The following PHF14 variants were observed in gnomAD, a reference collection of about 807,000 sequenced individuals.
PHF14 encodes PHD finger protein 14.
Under a neutral mutation model 117.9 loss-of-function variants are expected in PHF14, and 55 were observed. That is an observed-to-expected ratio of 0.47 (90% confidence interval 0.38 to 0.58). The LOEUF is 0.58. Ranked by LOEUF, PHF14 falls within the 20% of genes least tolerant of loss-of-function variation. The pLI is 0.00. For synonymous variants in PHF14, 409 were observed against 368.6 expected (o/e 1.11, Z -1.26); for missense variants, 978 against 1,122.2 (o/e 0.87, Z 1.84).
Position 11,024,763 on chromosome 7 carries a change from C to T in PHF14, c.1317+1784C>T, listed in dbSNP as rs576718020. Among the ~76,000 whole-genome samples, 4 of 152,316 alleles carry T rather than the reference C, an allele frequency of 2.6e-5. No individual in the cohort carries two copies. The South Asian group carries it at 8.3e-4, about 32-fold the overall frequency. On this transcript the variant is annotated intron_variant, in intron 6 of 17. Coordinates refer to ENST00000634607, the MANE Select transcript of PHF14 (RefSeq NM_001007157.2). Reference sequence around the variant, plus strand: ...AAAAGATTACTGCTTATCGACAGTGCACCTGGTGGTCACCCAAGAGCTCTG... The same window carrying T: ...AAAAGATTACTGCTTATCGACAGTGTACCTGGTGGTCACCCAAGAGCTCTG...
At chr7:11,067,489 CA>C (rs1251763774) in intron 16 of PHF14, among the ~76,000 whole-genome samples, 1 of 152,128 alleles carries the variant, frequency 6.6e-6, no homozygotes, top group African/African-American at 2.4e-5. Context: ...AGCAGAAACT[CA>C]AACAGATAAT....
rs902332100 is a variant in PHF14, at chr7:11,130,359, G to GGA, written c.2772+18903_2772+18904dup. Reference sequence around the variant, plus strand: ...CATTCCAGGATTCAAGGAAATCCTTGGAGAGAGAGAGAACGTATATACAAT... The same window carrying GGA: ...CATTCCAGGATTCAAGGAAATCCTTGGAGAGAGAGAGAGAACGTATATACAAT... On this transcript the variant is annotated intron_variant, in intron 17 of 17. Coordinates refer to ENST00000634607, the MANE Select transcript of PHF14 (RefSeq NM_001007157.2). The surrounding 1 kb of genome is among the most constrained non-coding windows in gnomAD (Gnocchi z 4.2). Among the ~76,000 whole-genome samples, 1 of 152,028 alleles carries GGA rather than the reference G, an allele frequency of 6.6e-6. No individual in the cohort carries two copies. The highest frequency in any genetic ancestry group is 2.4e-5 in the African/African-American group (1 of 41,512).
chr7:11,112,558 T>G (rs1787481411), intron 17 of PHF14, among the ~76,000 whole-genome samples: 1 of 152,016 alleles, frequency 6.6e-6, no homozygotes, highest in Non-Finnish European at 1.5e-5. Context: ...GATCATGAGG[T>G]CAGGAGTTCG....
intron 16 of PHF14, chr7:11,110,992 T>G (rs891781821): frequency 5.0e-5 from 8 of 159,568 alleles, no homozygotes; most frequent in African/African-American, 1.9e-4. Flanking sequence ...TTTAAAATGA[T>G]TTAATGGGCA....
chr7:11,107,139 T>A (rs1252532320), intron 16 of PHF14: 2 of 984,382 alleles, frequency 2.0e-6, no homozygotes, highest in East Asian at 2.3e-4. Context: ...CCCTTTGGAA[T>A]ACTGACTTTT....
intron 17 of PHF14, among the ~76,000 whole-genome samples, chr7:11,136,401 A>G (rs1340062333): frequency 6.6e-6 from 1 of 152,136 alleles, no homozygotes; most frequent in Non-Finnish European, 1.5e-5. Context: ...AGCATATTTA[A>G]TCATTTAACC....
chr7:11,107,374 T>A, intron 16 of PHF14: 1 of 881,454 alleles, frequency 1.1e-6, no homozygotes, highest in Non-Finnish European at 1.4e-6. Context: ...TCACTACATT[T>A]TGTTAATGGG....
At chr7:11,077,528 G>T (rs931702919) in intron 16 of PHF14, among the ~76,000 whole-genome samples, 1 of 148,976 alleles carries the variant, frequency 6.7e-6, no homozygotes, top group African/African-American at 2.5e-5. Flanking sequence ...TTGAACCCAG[G>T]AGGCAAAGGT....
chr7:11,079,623 G>A (rs1397527369), intron 16 of PHF14, among the ~76,000 whole-genome samples: 5 of 152,054 alleles, frequency 3.3e-5, no homozygotes, highest in African/African-American at 9.7e-5. Context: ...ACCAAAGTTA[G>A]GATAGAAGTG....
chr7:11,030,539 A>G (rs2128320760), intron 7 of PHF14, among the ~76,000 whole-genome samples: 1 of 152,270 alleles, frequency 6.6e-6, no homozygotes. Flanking sequence ...TGGAGAGTGC[A>G]TCTCCGTCTA....
At chr7:11,122,221 A>G (rs577482817) in intron 17 of PHF14, among the ~76,000 whole-genome samples, 2 of 150,480 alleles carry the variant, frequency 1.3e-5, no homozygotes, top group South Asian at 4.2e-4. Context: ...ATAGTGTTCC[A>G]TGGTATTCTG....
intron 5 of PHF14, among the ~76,000 whole-genome samples, chr7:11,020,859 T>A (rs1044272871): frequency 6.6e-6 from 1 of 152,182 alleles, no homozygotes; most frequent in African/African-American, 2.4e-5. Context: ...TTAACATTTC[T>A]TGAGTGAAGA....
chr7:11,094,795 A>G (rs562838753), intron 16 of PHF14, among the ~76,000 whole-genome samples: 9 of 152,324 alleles, frequency 5.9e-5, no homozygotes, highest in Non-Finnish European at 1.2e-4. Context: ...ATGCTCTGCC[A>G]CAGGTGATCC....
At chr7:11,166,914 T>G (rs1187010348) in intron 17 of PHF14, among the ~76,000 whole-genome samples, 1 of 152,192 alleles carries the variant, frequency 6.6e-6, no homozygotes, top group Non-Finnish European at 1.5e-5. Context: ...GTACTTTATT[T>G]CTAAGAAAAA....
chr7:10,981,996 C>T (rs1782059096), intron 2 of PHF14, among the ~76,000 whole-genome samples: 1 of 152,094 alleles, frequency 6.6e-6, no homozygotes, highest in South Asian at 2.1e-4. Context: ...AGAATTTTGT[C>T]TGTATTATCA....
chr7:11,081,608 G>A (rs1786104630), intron 16 of PHF14, among the ~76,000 whole-genome samples: 1 of 152,182 alleles, frequency 6.6e-6, no homozygotes, highest in South Asian at 2.1e-4. Flanking sequence ...TGTAATCCCA[G>A]CACTTTGGGA....
intron 4 of PHF14, among the ~76,000 whole-genome samples, chr7:10,994,043 C>T (rs1394944372): frequency 1.3e-5 from 2 of 151,492 alleles, no homozygotes; most frequent in Non-Finnish European, 2.9e-5. Context: ...AAGGGAAATC[C>T]ACTCTGATAA....
At chr7:11,166,306 CAG>C (rs1268399850) in intron 17 of PHF14, among the ~76,000 whole-genome samples, 1 of 151,356 alleles carries the variant, frequency 6.6e-6, no homozygotes, top group African/African-American at 2.4e-5. Context: ...GGGAAACAAA[CAG>C]ATGTCTTATC....
At chr7:10,980,893 C>A (rs1335653000) in intron 2 of PHF14, among the ~76,000 whole-genome samples, 1 of 152,020 alleles carries the variant, frequency 6.6e-6, no homozygotes, top group Non-Finnish European at 1.5e-5. Flanking sequence ...GAATTGCTGA[C>A]CCGTATGATA....
Sources: gnomAD v4.1 joint callset for allele counts (sites outside exome capture counted in the v4.1 genomes callset) on GRCh38, gnomAD v4.1.1 for gene constraint, Gnocchi (gnomAD v3.1) non-coding constraint, MANE v1.5 for transcripts, NCBI Gene and HGNC (gene_info 2026-07-23, HGNC 2026-07-21) for gene names.